RTN1: variants seen among roughly 807,000 people sequenced by gnomAD.
RTN1 encodes the protein reticulon 1.
Under a neutral mutation model 65.5 loss-of-function variants are expected in RTN1, and 25 were observed. The observed-to-expected ratio is 0.38, with a 90% CI of 0.28 to 0.53. The LOEUF is 0.53. RTN1 is among the 20% of genes least tolerant of loss of function. The pLI, the probability that RTN1 is intolerant of heterozygous loss-of-function variation, is 0.79. For synonymous variants in RTN1, 471 were observed against 447.6 expected (o/e 1.05, Z -0.66); for missense variants, 983 against 1,025.4 (o/e 0.96, Z 0.57).
chr14:59,819,660 G>T (rs1291450134), intron 1 of RTN1, among the ~76,000 whole-genome samples: 1 of 152,082 alleles, frequency 6.6e-6, no homozygotes, highest in Admixed American at 6.5e-5. Flanking sequence ...GACGGCGCCC[G>T]TCGGGGAGGC....
chr14:59,868,479 T>C lies in RTN1; in HGVS notation c.241+1911A>G, dbSNP rs8015837. 3.0e-4 allele frequency among the ~76,000 whole-genome samples: 45 copies of C among 152,340 alleles called. No homozygotes were observed. Among genetic ancestry groups the C allele is most frequent in the African/African-American group, 1.1e-3 (44 of 41,572 alleles). ...ATACTAAAAATGCAAAATGCATTGT[T>C]ATTTACTACAGCCACCTTTCTGTAA... On this transcript the variant is annotated intron_variant, in intron 1 of 8. Coordinates refer to ENST00000267484, the MANE Select transcript of RTN1 (RefSeq NM_021136.3). The surrounding 1 kb of genome is among the most constrained non-coding windows in gnomAD (Gnocchi z 4.0).
intron 2 of RTN1, among the ~76,000 whole-genome samples, chr14:59,733,184 C>T (rs149854211): frequency 0.02 from 3,047 of 152,126 alleles, 58 homozygotes; most frequent in Middle Eastern, 0.041. Flanking sequence ...CTCCGCCTCC[C>T]GGGTTCAAGC....
At position 59,597,586 on chromosome 14, in the gene RTN1, G is replaced by A. The variant is rs1881442358; in HGVS notation, c.2289-799C>T. On this transcript the variant is annotated intron_variant, in intron 8 of 8. Transcript: ENST00000267484. ...GGTCAACAAAAGGGAGGAGATGCTT[G>A]CTCTCATGGAGTTTTCATTCCTGTA... Among the ~76,000 whole-genome samples, 4 of 152,224 alleles carry A rather than the reference G, an allele frequency of 2.6e-5. No individual in the cohort carries two copies. The South Asian group carries it at 6.2e-4, about 24-fold the overall frequency.
intron 3 of RTN1, among the ~76,000 whole-genome samples, chr14:59,630,137 A>G (rs187102219): frequency 1.3e-5 from 2 of 151,950 alleles, no homozygotes; most frequent in Admixed American, 6.6e-5. Context: ...AAAACATTAA[A>G]CAAGTACTGA....
At chr14:59,840,685 T>A (rs534294193) in intron 1 of RTN1, among the ~76,000 whole-genome samples, 43 of 152,304 alleles carry the variant, frequency 2.8e-4, no homozygotes, top group African/African-American at 9.4e-4. Context: ...ACATTCAACA[T>A]TTTCCCATTG....
At chr14:59,738,016 T>TG (rs1371870604) in intron 2 of RTN1, among the ~76,000 whole-genome samples, 1 of 152,154 alleles carries the variant, frequency 6.6e-6, no homozygotes, top group East Asian at 1.9e-4. Flanking sequence ...CAACTAAAGA[T>TG]GGATTAAAGA....
intron 3 of RTN1, 57 bp from the exon 4 acceptor site, chr14:59,607,549 G>T (rs779392926): frequency 7.1e-7 from 1 of 1,410,782 alleles, no homozygotes. Context: ...CACATGAGCC[G>T]CTGTGGCTCA....
At chr14:59,658,605 G>A (rs1883175701) in intron 3 of RTN1, among the ~76,000 whole-genome samples, 1 of 152,192 alleles carries the variant, frequency 6.6e-6, no homozygotes, top group Non-Finnish European at 1.5e-5. Context: ...GGTCTGGAGT[G>A]GACCTCCAGA....
At chr14:59,754,599 G>A (rs1357204554) in intron 1 of RTN1, among the ~76,000 whole-genome samples, 7 of 152,124 alleles carry the variant, frequency 4.6e-5, no homozygotes, top group Non-Finnish European at 5.9e-5. Context: ...CCACCTTACT[G>A]GGCTGCTAGG....
rs974911544 is a variant in RTN1, at chr14:59,596,094, T to C, written c.*651A>G. On this transcript the variant is annotated 3_prime_UTR_variant, in exon 9 of 9. Transcript: ENST00000267484. ...ACAGAGAAAGTAATACAAATTGTAA[T>C]AAAGTTAACATGCTGGTACTTTTTA... The C allele has an allele frequency of 2.0e-5, 3 of 152,660 alleles. No homozygotes were observed. Among genetic ancestry groups the C allele is most frequent in the African/African-American group, 7.2e-5 (3 of 41,460 alleles). 9.5% of individuals were successfully genotyped at this position (152,660 alleles called of 1,614,324 possible). A position where few individuals can be genotyped will look rare whatever the true frequency, so the allele number is the denominator to read the frequency against.
chr14:59,821,096 T>C (rs2087145486), intron 1 of RTN1, among the ~76,000 whole-genome samples: 1 of 152,234 alleles, frequency 6.6e-6, no homozygotes, highest in Non-Finnish European at 1.5e-5. Context: ...TTAAATTGCT[T>C]TGGGCAGTAT....
At chr14:59,769,124 T>G (rs892744318) in intron 1 of RTN1, among the ~76,000 whole-genome samples, 1 of 152,190 alleles carries the variant, frequency 6.6e-6, no homozygotes, top group African/African-American at 2.4e-5. Context: ...CATTATGTTA[T>G]ACTGCTTGAT....
intron 8 of RTN1, among the ~76,000 whole-genome samples, chr14:59,602,220 GA>G (rs1881601767): frequency 6.6e-6 from 1 of 151,996 alleles, no homozygotes; most frequent in African/African-American, 2.4e-5. Flanking sequence ...CTCTAAATCT[GA>G]CCCTCACCTA....
chr14:59,755,287 C>A (rs1013573597), intron 1 of RTN1, among the ~76,000 whole-genome samples: 2 of 152,046 alleles, frequency 1.3e-5, no homozygotes, highest in African/African-American at 2.4e-5. Flanking sequence ...AACAAAAATG[C>A]CAATTATTGT....
rs1226088574 is a variant in RTN1 at position 59,868,695 on chromosome 14, T to G, written c.241+1695A>C. On this transcript the variant is annotated intron_variant, in intron 1 of 8. Transcript: ENST00000267484. This position sits in a 1 kb window ranked among gnomAD's most constrained non-coding sequence, Gnocchi z 4.0. ...TATATAATAACTTTTGTGGATATGT[T>G]ACTGAGCATGGGGCACTTAGCTTCC... Among the ~76,000 whole-genome samples, 1 of 152,218 alleles carries G rather than the reference T, an allele frequency of 6.6e-6. No individual in the cohort carries two copies. Among genetic ancestry groups the G allele is most frequent in the Non-Finnish European group, 1.5e-5 (1 of 68,028 alleles).
At chr14:59,703,652 T>C (rs1884228513) in intron 3 of RTN1, among the ~76,000 whole-genome samples, 1 of 152,230 alleles carries the variant, frequency 6.6e-6, no homozygotes, top group Non-Finnish European at 1.5e-5. Flanking sequence ...TTCTTGTCTT[T>C]CTCCCCCTAC....
intron 3 of RTN1, among the ~76,000 whole-genome samples, chr14:59,707,670 T>TTCTC (rs148218611): frequency 6.7e-6 from 1 of 148,678 alleles, no homozygotes; most frequent in African/African-American, 2.5e-5. Context: ...TGCTTGATAA[T>TTCTC]TCTCTCTCTC....
intron 3 of RTN1, among the ~76,000 whole-genome samples, chr14:59,631,607 T>G (rs1299824417): frequency 6.6e-6 from 1 of 152,202 alleles, no homozygotes; most frequent in Non-Finnish European, 1.5e-5. Context: ...TTTTTAAATC[T>G]TACCATAAAC....
intron 3 of RTN1, among the ~76,000 whole-genome samples, chr14:59,641,000 G>A (rs535524015): frequency 6.6e-6 from 1 of 152,074 alleles, no homozygotes; most frequent in African/African-American, 2.4e-5. Flanking sequence ...TTGCCCTGTT[G>A]CCCACACTGA....
Sources: gnomAD v4.1 joint callset for allele counts (sites outside exome capture counted in the v4.1 genomes callset) on GRCh38, gnomAD v4.1.1 for gene constraint, Gnocchi (gnomAD v3.1) non-coding constraint, MANE v1.5 for transcripts, NCBI Gene and HGNC (gene_info 2026-07-23, HGNC 2026-07-21) for gene names.